MYH16: variants seen among roughly 807,000 people sequenced by gnomAD.
The protein encoded by MYH16 is putative uncharacterized protein MYH16.
chr7:99,272,527 A>T (rs751714205), intron 19 of MYH16, among the ~76,000 whole-genome samples: 1 of 152,092 alleles, frequency 6.6e-6, no homozygotes, highest in Non-Finnish European at 1.5e-5. Context: ...ACTTGAGCTC[A>T]GGAGTTTGAG....
intron 4 of MYH16, among the ~76,000 whole-genome samples, chr7:99,249,591 T>G (rs1439668517): frequency 6.8e-6 from 1 of 147,142 alleles, no homozygotes; most frequent in African/African-American, 2.5e-5. Context: ...TTTTTTTTTT[T>G]TTTTTTGAGA....
At chr7:99,257,271 G>A (rs190458552) in intron 9 of MYH16, 5 of 153,224 alleles carry the variant, frequency 3.3e-5, no homozygotes, top group Non-Finnish European at 5.9e-5. Flanking sequence ...GAGGCCAGGA[G>A]TCACATGACT....
chr7:99,244,046 G>A (rs925813435), intron 2 of MYH16, among the ~76,000 whole-genome samples: 3 of 147,000 alleles, frequency 2.0e-5, no homozygotes, highest in Admixed American at 6.8e-5. Flanking sequence ...TCCAAACATC[G>A]ATCCATACAT....
At chr7:99,288,164 G>A (rs751084860) in intron 29 of MYH16, 27 bp downstream of exon 10, 7 of 454,342 alleles carry the variant, frequency 1.5e-5, no homozygotes, top group South Asian at 4.7e-5. Context: ...TGGGCCGGAC[G>A]CAGTGGCTCA....
At chr7:99,259,259 A>G (rs186034701) in intron 11 of MYH16, among the ~76,000 whole-genome samples, 2 of 152,142 alleles carry the variant, frequency 1.3e-5, no homozygotes, top group East Asian at 1.9e-4. Context: ...GGTCAGATCC[A>G]TAGAGCATTT....
intron 23 of MYH16, among the ~76,000 whole-genome samples, chr7:99,282,305 C>T (rs1010011462): frequency 6.6e-6 from 1 of 152,002 alleles, no homozygotes; most frequent in Non-Finnish European, 1.5e-5. Context: ...GGATTACAGG[C>T]GTGAGCCACC....
chr7:99,283,885 T>C lies in MYH16; in HGVS notation n.3092T>C, dbSNP rs145203369. ...CTTGTCTCTGTAGCTGGAGGATAAC[T>C]GGGAGCAGGAAAAGAAAATCCGGGC... On this transcript the variant is annotated non_coding_transcript_exon_variant, in exon 25 of 42. Coordinates refer to ENST00000439784, the Ensembl canonical transcript of MYH16. The C allele has an allele frequency of 1.1e-3, 485 of 456,122 alleles. 4 individuals are homozygous for C. The highest frequency in any genetic ancestry group is 8.9e-3 in the African/African-American group (446 of 50,150). 28.3% of individuals were successfully genotyped at this position (456,122 alleles called of 1,614,324 possible).
chr7:99,251,216 C>T (rs1014199246), intron 6 of MYH16: 40 of 198,870 alleles, frequency 2.0e-4, no homozygotes, highest in African/African-American at 9.1e-4. Flanking sequence ...GAGAGGCCCC[C>T]TGGCTGGTGG....
At chr7:99,266,023 C>T (rs929691675) in intron 17 of MYH16, among the ~76,000 whole-genome samples, 10 of 152,222 alleles carry the variant, frequency 6.6e-5, no homozygotes, top group Admixed American at 5.9e-4. Context: ...TGTATAAATA[C>T]CTCAGCTCCC....
intron 32 of MYH16, 32 bp downstream of exon 13, chr7:99,292,540 G>A (rs1185821614): frequency 2.2e-6 from 1 of 453,146 alleles, no homozygotes; most frequent in South Asian, 1.6e-5. Context: ...AGAGAGCCAG[G>A]TGGGCTGGGC....
At chr7:99,302,373 T>C (rs1792613351) in intron 38 of MYH16, among the ~76,000 whole-genome samples, 1 of 136,396 alleles carries the variant, frequency 7.3e-6, no homozygotes, top group African/African-American at 2.8e-5. Flanking sequence ...CATCCCAACC[T>C]GGCCAACATG....
At chr7:99,246,899 C>T (rs1002329031) in intron 2 of MYH16, among the ~76,000 whole-genome samples, 1 of 152,064 alleles carries the variant, frequency 6.6e-6, no homozygotes, top group Non-Finnish European at 1.5e-5. Flanking sequence ...TGATTTCCAA[C>T]TTTACGATGG....
intron 10 of MYH16, among the ~76,000 whole-genome samples, chr7:99,257,966 G>C (rs534797955): frequency 1.3e-4 from 20 of 152,298 alleles, no homozygotes; most frequent in Non-Finnish European, 2.4e-4. Context: ...CCTTGAGCAA[G>C]TGTAGAAACT....
At chr7:99,253,464 G>C (rs1791835473) in intron 7 of MYH16, 1 of 152,160 alleles carries the variant, frequency 6.6e-6, no homozygotes, top group Non-Finnish European at 1.5e-5. Flanking sequence ...AAGGAATTTT[G>C]AAACAGCAAC....
intron 28 of MYH16, among the ~76,000 whole-genome samples, chr7:99,287,321 T>A (rs1330904317): frequency 6.6e-6 from 1 of 151,484 alleles, no homozygotes; most frequent in Admixed American, 6.6e-5. Context: ...TCACCTGAGG[T>A]TAGGAGTTCG....
chr7:99,297,544 G>A (rs1792519143), intron 34 of MYH16, 116 bp from the exon 16 acceptor site: 1 of 367,866 alleles, frequency 2.7e-6, no homozygotes, highest in Non-Finnish European at 5.4e-6. Context: ...GGTGGCTCAT[G>A]TCTGCAATCC....
chr7:99,277,920 A>G (rs60233839), intron 21 of MYH16, among the ~76,000 whole-genome samples: 9 of 125,544 alleles, frequency 7.2e-5, no homozygotes, highest in Admixed American at 4.6e-4. Context: ...TGTGTGTGAG[A>G]GAGAGAGAGA....
intron 40 of MYH16, among the ~76,000 whole-genome samples, chr7:99,305,268 C>G (rs1387101068): frequency 7.2e-5 from 11 of 152,102 alleles, no homozygotes; most frequent in Non-Finnish European, 7.4e-5. Flanking sequence ...GGGAAGAGCT[C>G]TAATTTCTCT....
In MYH16 at chr7:99,288,724, C is replaced by T. The variant is rs150109217; in HGVS notation, n.3707-563C>T. The stretch of plus-strand genomic sequence containing the variant: ...AAAATAAAATAAAAAATAAAATAAC[C>T]TGTGCTTCGATTTCTTCATCTGTAA... On this transcript the variant is annotated intron_variant and non_coding_transcript_variant, in intron 29 of 41. Transcript: ENST00000439784. Among the ~76,000 whole-genome samples, 274 of 152,220 alleles carry T rather than the reference C, an allele frequency of 1.8e-3. 4 individuals are homozygous for T. The East Asian group carries it at 0.041, about 23-fold the overall frequency.
Sources: gnomAD v4.1 joint callset for allele counts (sites outside exome capture counted in the v4.1 genomes callset) on GRCh38, gnomAD v4.1.1 for gene constraint, MANE v1.5 for transcripts, NCBI Gene and HGNC (gene_info 2026-07-23, HGNC 2026-07-21) for gene names.